RUNX1: variants seen among roughly 807,000 people sequenced by gnomAD.
RUNX1 encodes the protein runt-related transcription factor 1.
A neutral mutation model predicts 42.8 loss-of-function variants in RUNX1; 19 were observed. That is an observed-to-expected ratio of 0.44 (90% CI 0.31 to 0.65). The LOEUF is 0.65. RUNX1 is among the 30% of genes least tolerant of loss of function. RUNX1 has a pLI of 0.07. For missense variants in RUNX1, 528 were observed against 672.0 expected, an observed-to-expected ratio of 0.79 and a Z score of 2.37; for synonymous variants, 271 against 289.4, an observed-to-expected ratio of 0.94 and a Z score of 0.64.
At chr21:34,794,262 A>G (rs2056493488) in intron 8 of RUNX1, among the ~76,000 whole-genome samples, 1 of 152,178 alleles carries the variant, frequency 6.6e-6, no homozygotes. Flanking sequence ...TGCCATTTTT[A>G]TAGGCCTTCG....
At chr21:34,970,253 T>C (rs2058753588) in intron 2 of RUNX1, among the ~76,000 whole-genome samples, 1 of 152,212 alleles carries the variant, frequency 6.6e-6, no homozygotes, top group South Asian at 2.1e-4. Context: ...TGGGGGTATG[T>C]CAGGAGACGT....
chr21:35,023,922 G>A (rs1399946429), intron 2 of RUNX1, among the ~76,000 whole-genome samples: 12 of 149,670 alleles, frequency 8.0e-5, no homozygotes, highest in African/African-American at 2.9e-4. Flanking sequence ...TTATATATGT[G>A]TGTATTAAAT....
rs186433991 is a variant in RUNX1 at position 35,008,526 on chromosome 21, G to A, written c.58+40316C>T. ...GGGAGAATTCCTTGAGGACTGATGA[G>A]GATGGGGCAGACCACAGTAGCATTT... is the stretch of plus-strand genomic sequence containing the variant. On this transcript the variant is annotated intron_variant, in intron 2 of 8. Transcript: ENST00000675419. Among the ~76,000 whole-genome samples, 8 of 152,368 alleles carry A rather than the reference G, an allele frequency of 5.3e-5. No homozygotes were observed. The East Asian group carries it at 1.5e-3, about 29-fold the overall frequency.
intron 2 of RUNX1, among the ~76,000 whole-genome samples, chr21:34,932,739 A>T (rs896601105): frequency 7.9e-5 from 12 of 152,208 alleles, no homozygotes; most frequent in African/African-American, 2.9e-4. Context: ...TTGTTTCCCC[A>T]CACTGTCTCT....
At chr21:35,038,105 T>G (rs2059323084) in intron 2 of RUNX1, among the ~76,000 whole-genome samples, 1 of 152,128 alleles carries the variant, frequency 6.6e-6, no homozygotes, top group African/African-American at 2.4e-5. Flanking sequence ...TCTCAAATCC[T>G]CTTGACAACC....
At chr21:35,032,522 C>T (rs572557421) in intron 2 of RUNX1, among the ~76,000 whole-genome samples, 5 of 152,308 alleles carry the variant, frequency 3.3e-5, no homozygotes, top group African/African-American at 9.6e-5. Flanking sequence ...TGATCAGTCC[C>T]GTGACTATGA....
At chr21:35,044,100 G>A (rs1446200121) in intron 2 of RUNX1, among the ~76,000 whole-genome samples, 3 of 152,182 alleles carry the variant, frequency 2.0e-5, no homozygotes, top group Non-Finnish European at 4.4e-5. Flanking sequence ...AAGGGCTCTC[G>A]TTCTTTTTCC....
chr21:35,004,709 T>C (rs754693692), intron 2 of RUNX1, among the ~76,000 whole-genome samples: 4 of 152,228 alleles, frequency 2.6e-5, no homozygotes, highest in Admixed American at 6.5e-5. Context: ...TTTTATTAAA[T>C]GACAAGGGAT....
intron 2 of RUNX1, among the ~76,000 whole-genome samples, chr21:35,000,315 A>G (rs1306613906): frequency 7.2e-6 from 1 of 139,852 alleles, no homozygotes; most frequent in Non-Finnish European, 1.5e-5. Flanking sequence ...ATCTCGGCTC[A>G]CTGCAAACTC....
intron 2 of RUNX1, among the ~76,000 whole-genome samples, chr21:34,996,577 T>C (rs2058998284): frequency 6.6e-6 from 1 of 152,046 alleles, no homozygotes; most frequent in South Asian, 2.1e-4. Context: ...AAAGCAGAGT[T>C]CCTGGAACAG....
intron 2 of RUNX1, among the ~76,000 whole-genome samples, chr21:35,005,290 T>C (rs2059075880): frequency 6.6e-6 from 1 of 152,118 alleles, no homozygotes; most frequent in Non-Finnish European, 1.5e-5. Flanking sequence ...ACAATTTGTC[T>C]ACAGTCCTAT....
chr21:34,849,078 A>G (rs1269938552), intron 6 of RUNX1, among the ~76,000 whole-genome samples: 1 of 150,380 alleles, frequency 6.6e-6, no homozygotes, highest in Non-Finnish European at 1.5e-5. Context: ...TTTCAATAGC[A>G]GTCTGGGTTT....
At chr21:35,035,078 T>TA (rs2059298061) in intron 2 of RUNX1, among the ~76,000 whole-genome samples, 1 of 152,096 alleles carries the variant, frequency 6.6e-6, no homozygotes, top group African/African-American at 2.4e-5. Context: ...GGGTAGTGTG[T>TA]AAGGAAGAAA....
chr21:34,802,958 C>T (rs966244987), intron 7 of RUNX1, among the ~76,000 whole-genome samples: 10 of 152,112 alleles, frequency 6.6e-5, no homozygotes, highest in Admixed American at 1.3e-4. Context: ...AGTAAATGCT[C>T]AATAAGTCTG....
At chr21:34,970,784 T>C (rs1377684347) in intron 2 of RUNX1, among the ~76,000 whole-genome samples, 1 of 152,212 alleles carries the variant, frequency 6.6e-6, no homozygotes. Flanking sequence ...CATGGCCTTA[T>C]GTAGCAAGAG....
At chr21:34,937,318 GC>G (rs1267355990) in intron 2 of RUNX1, among the ~76,000 whole-genome samples, 6 of 49,920 alleles carry the variant, frequency 1.2e-4, no homozygotes, top group Admixed American at 6.7e-4. Context: ...GTGGCCATCA[GC>G]CAAAAAAAAA....
At chr21:34,943,165 T>C (rs150810447) in intron 2 of RUNX1, among the ~76,000 whole-genome samples, 226 of 152,314 alleles carry the variant, frequency 1.5e-3, no homozygotes, top group African/African-American at 5.2e-3. Context: ...AATGCTTCAG[T>C]GAAAACAAAC....
At chr21:34,887,121 G>A (rs766549153) in intron 3 of RUNX1, 25 bp from the exon 4 acceptor site, 11 of 1,598,082 alleles carry the variant, frequency 6.9e-6, no homozygotes, top group Middle Eastern at 1.6e-4. Context: ...ATCACAACAA[G>A]CCGATTGAGT....
chr21:34,795,182 A>G (rs543624242), intron 8 of RUNX1, among the ~76,000 whole-genome samples: 5 of 152,358 alleles, frequency 3.3e-5, no homozygotes, highest in Admixed American at 2.6e-4. Flanking sequence ...TTTTGAGTTC[A>G]GGCTGATAGA....
Sources: gnomAD v4.1 joint callset for allele counts (sites outside exome capture counted in the v4.1 genomes callset) on GRCh38, gnomAD v4.1.1 for gene constraint, MANE v1.5 for transcripts, NCBI Gene and HGNC (gene_info 2026-07-23, HGNC 2026-07-21) for gene names.